Variants in FKTN observed in about 807,000 individuals in gnomAD.
The protein encoded by FKTN is fukutin.
A neutral mutation model predicts 58.6 loss-of-function variants in FKTN; 47 were observed. The observed-to-expected ratio is 0.80, with a 90% CI of 0.63 to 1.02. The LOEUF is 1.02. FKTN is among the 50% of genes least tolerant of loss of function. The probability of loss-of-function intolerance (pLI) is 0.00; values close to 1 mark genes in which losing one functional copy is unlikely to be tolerated. For missense variants in FKTN, 516 were observed against 537.3 expected (o/e 0.96, Z 0.39); for synonymous variants, 178 against 191.9 (o/e 0.93, Z 0.60).
chr9:105,638,730 A>G lies in FKTN; in HGVS notation c.*3466A>G, dbSNP rs1182160642. On this transcript the variant is annotated 3_prime_UTR_variant, in exon 11 of 11. Coordinates refer to ENST00000357998, the MANE Select transcript of FKTN (RefSeq NM_001079802.2). ...GGCTGGAAAGGAGACTAGAGTATCT[A>G]GTTTTTAGTATTTAAACTACTTTTA... 1.0e-6 allele frequency: 1 copy of G among 979,448 alleles called. No homozygotes were observed. The highest frequency in any genetic ancestry group is 1.1e-4 in the East Asian group (1 of 8,774). The allele number at this position is 979,448 out of a possible 1,614,324, so 60.7% of individuals were successfully genotyped here.
At chr9:105,589,079 A>T (rs1357869299) in intron 3 of FKTN, among the ~76,000 whole-genome samples, 2 of 152,236 alleles carry the variant, frequency 1.3e-5, no homozygotes, top group African/African-American at 2.4e-5. Context: ...ATTAAACGTT[A>T]AGATAATGAA....
intron 7 of FKTN, among the ~76,000 whole-genome samples, chr9:105,610,774 TATCAGGCA>T (rs1829780282): frequency 6.6e-6 from 1 of 151,972 alleles, no homozygotes; most frequent in Non-Finnish European, 1.5e-5. Context: ...TGATACCCCG[TATCAGGCA>T]ATCCCTTTGC....
intron 7 of FKTN, among the ~76,000 whole-genome samples, chr9:105,614,855 G>A (rs1020394484): frequency 6.6e-6 from 1 of 150,846 alleles, no homozygotes; most frequent in African/African-American, 2.4e-5. Context: ...ATTATATGGG[G>A]TTAGTTTTCT....
At position 105,636,268 on chromosome 9, in the gene FKTN, ATTACAGC is replaced by A; in HGVS notation, c.*1007_*1013del. On this transcript the variant is annotated 3_prime_UTR_variant, in exon 11 of 11. Transcript: ENST00000357998. ...TACTCTTTATTATCTTCATTTATCA[ATTACAGC>A]TTCGTATCTCTAATTTATGGTCTAT... The A allele has an allele frequency of 1.1e-6, 1 of 946,238 alleles. No homozygotes were observed. The highest frequency in any genetic ancestry group is 1.3e-6 in the Non-Finnish European group (1 of 794,388). 58.6% of individuals were successfully genotyped at this position (946,238 alleles called of 1,614,324 possible). A position where few individuals can be genotyped will look rare whatever the true frequency, so the allele number is the denominator to read the frequency against.
chr9:105,640,262 C>T lies in FKTN; in HGVS notation c.*4998C>T. 8.0e-7 allele frequency: 1 copy of T among 1,247,758 alleles called. No homozygotes were observed. The highest frequency in any genetic ancestry group is 1.1e-6 in the Non-Finnish European group (1 of 940,872). 77.3% of individuals were successfully genotyped at this position (1,247,758 alleles called of 1,614,324 possible). ...GTATAAATTTTCTAATAAGAAATCC[C>T]TGCTTCTTTTGGGTGCAGTGGCTCA... is the stretch of plus-strand genomic sequence containing the variant. On this transcript the variant is annotated 3_prime_UTR_variant, in exon 11 of 11. Coordinates refer to ENST00000357998, the MANE Select transcript of FKTN (RefSeq NM_001079802.2).
At chr9:105,568,454 C>G (rs1840105797) in intron 1 of FKTN, among the ~76,000 whole-genome samples, 2 of 152,234 alleles carry the variant, frequency 1.3e-5, no homozygotes, top group African/African-American at 4.8e-5. Flanking sequence ...AAGAAAAAAA[C>G]AACCCCATCA....
intron 6 of FKTN, among the ~76,000 whole-genome samples, chr9:105,605,935 T>C (rs1310828761): frequency 6.6e-6 from 1 of 152,194 alleles, no homozygotes; most frequent in Non-Finnish European, 1.5e-5. Flanking sequence ...AGGTGATAGA[T>C]ACCCCATTTA....
Position 105,601,361 on chromosome 9 carries a change from C to T in FKTN, c.369+13C>T. On this transcript the variant is annotated intron_variant, in intron 5 of 10. Coordinates refer to ENST00000357998, the MANE Select transcript of FKTN (RefSeq NM_001079802.2). Reference sequence around the variant, plus strand: ...ATGGAAGAATGAGGTAAGTGACTTGCTTTCAGATAATGGAATGTGTCTCTT... The same window carrying T: ...ATGGAAGAATGAGGTAAGTGACTTGTTTTCAGATAATGGAATGTGTCTCTT... 6.5e-7 allele frequency: 1 copy of T among 1,531,418 alleles called. No homozygotes were observed. Among genetic ancestry groups the T allele is most frequent in the Non-Finnish European group, 9.0e-7 (1 of 1,110,808 alleles). 94.9% of individuals were successfully genotyped at this position (1,531,418 alleles called of 1,614,324 possible).
rs1051971082 is a variant in FKTN, at chr9:105,639,052, G to A, written c.*3788G>A. ...CCCCCCTAGTTTCACTTTCTGGAAAGTGAACAGTTTTTTAAATCCTAAATG... is the reference window on the plus strand; with the variant it reads ...CCCCCCTAGTTTCACTTTCTGGAAAATGAACAGTTTTTTAAATCCTAAATG... On this transcript the variant is annotated 3_prime_UTR_variant, in exon 11 of 11. Coordinates refer to ENST00000357998, the MANE Select transcript of FKTN (RefSeq NM_001079802.2). The A allele has an allele frequency of 3.5e-5, 34 of 985,206 alleles. No homozygotes were observed. Among genetic ancestry groups the A allele is most frequent in the Non-Finnish European group, 4.1e-5 (34 of 829,870 alleles). 61.0% of individuals were successfully genotyped at this position (985,206 alleles called of 1,614,324 possible). A position where few individuals can be genotyped will look rare whatever the true frequency, so the allele number is the denominator to read the frequency against.
chr9:105,637,530 A>G lies in FKTN; in HGVS notation c.*2266A>G, dbSNP rs1834131901. 2 of 985,234 alleles carry G rather than the reference A, an allele frequency of 2.0e-6. No homozygotes were observed. The highest frequency in any genetic ancestry group is 2.4e-6 in the Non-Finnish European group (2 of 829,902). The allele number at this position is 985,234 out of a possible 1,614,324, so 61.0% of individuals were successfully genotyped here. ...TTCTGATTCATCCATACTTCATCTTATGTATTTTAACAGTTGGGTTCTGTG... is the reference window on the plus strand; with the variant it reads ...TTCTGATTCATCCATACTTCATCTTGTGTATTTTAACAGTTGGGTTCTGTG... On this transcript the variant is annotated 3_prime_UTR_variant, in exon 11 of 11. Coordinates refer to ENST00000357998, the MANE Select transcript of FKTN (RefSeq NM_001079802.2).
intron 1 of FKTN, among the ~76,000 whole-genome samples, chr9:105,566,114 A>C (rs1190868914): frequency 1.3e-5 from 2 of 152,364 alleles, no homozygotes; most frequent in Admixed American, 1.3e-4. Context: ...GAACAAAGAC[A>C]CAACATACCA....
chr9:105,567,801 C>A (rs1359684563), intron 1 of FKTN, among the ~76,000 whole-genome samples: 3 of 152,178 alleles, frequency 2.0e-5, no homozygotes, highest in Admixed American at 6.5e-5. Context: ...CTTTAGAGTT[C>A]ATATGGAAGC....
intron 4 of FKTN, chr9:105,598,216 G>A: frequency 2.5e-6 from 1 of 397,094 alleles, no homozygotes; most frequent in African/African-American, 2.2e-5. Context: ...TACATTGAGG[G>A]GACTAAAAAA....
At chr9:105,622,391 C>G (rs1832117541) in intron 10 of FKTN, among the ~76,000 whole-genome samples, 1 of 151,950 alleles carries the variant, frequency 6.6e-6, no homozygotes, top group Non-Finnish European at 1.5e-5. Context: ...CTAAACTACT[C>G]TGCAGGACTA....
chr9:105,615,011 G>A (rs1830561620), intron 7 of FKTN, among the ~76,000 whole-genome samples: 1 of 149,446 alleles, frequency 6.7e-6, no homozygotes, highest in East Asian at 2.2e-4. Flanking sequence ...AACCTCTCGA[G>A]TAGCTGGAAC....
rs569877513 is a variant in FKTN at position 105,609,025 on chromosome 9, A to G, written c.780+1074A>G. Among the ~76,000 whole-genome samples the G allele has an allele frequency of 1.4e-4, 21 of 152,340 alleles. No homozygotes were observed. In the South Asian group the frequency reaches 3.9e-3, roughly 29 times the overall value. ...TCTATTATAGCAATTATCACAGTGA[A>G]TTATGAATATCTGTCTTGTCCTCTT... On this transcript the variant is annotated intron_variant, in intron 7 of 10. Transcript: ENST00000357998.
chr9:105,591,503 C>T (rs1844865036), intron 3 of FKTN, among the ~76,000 whole-genome samples: 1 of 152,222 alleles, frequency 6.6e-6, no homozygotes, highest in Non-Finnish European at 1.5e-5. Context: ...AAATTTGACT[C>T]CATGTCTCAT....
intron 10 of FKTN, among the ~76,000 whole-genome samples, chr9:105,633,183 A>G (rs1351579505): frequency 6.6e-6 from 1 of 152,240 alleles, no homozygotes; most frequent in Non-Finnish European, 1.5e-5. Flanking sequence ...AAGTACAAAA[A>G]TTAACATTTG....
intron 7 of FKTN, among the ~76,000 whole-genome samples, chr9:105,608,850 A>G (rs1395052593): frequency 6.7e-6 from 1 of 150,218 alleles, no homozygotes; most frequent in Non-Finnish European, 1.5e-5. Context: ...AAAAAGCTGA[A>G]AAACCACATG....
Sources: gnomAD v4.1 joint callset for allele counts (sites outside exome capture counted in the v4.1 genomes callset) on GRCh38, gnomAD v4.1.1 for gene constraint, MANE v1.5 for transcripts, NCBI Gene and HGNC (gene_info 2026-07-23, HGNC 2026-07-21) for gene names.